The following TCERG1L variants were observed in gnomAD, a reference collection of about 807,000 sequenced individuals.
TCERG1L encodes the protein transcription elongation regulator 1-like protein.
In TCERG1L, 37 loss-of-function variants were observed where a neutral mutation model predicts 56.3. The ratio of observed to expected loss-of-function variants is 0.66; its 90% CI spans 0.51 to 0.87. The LOEUF (loss-of-function observed/expected upper bound fraction) is 0.87, where lower values mean the gene tolerates loss of function less well. TCERG1L is among the 40% of genes least tolerant of loss of function. The probability of loss-of-function intolerance (pLI) is 0.00; values close to 1 mark genes in which losing one functional copy is unlikely to be tolerated. For missense variants in TCERG1L, 799 were observed against 774.2 expected, an observed-to-expected ratio of 1.03 and a Z score of -0.38; for synonymous variants, 324 against 326.3, an observed-to-expected ratio of 0.99 and a Z score of 0.08.
chr10:131,177,913 G>A (rs1394200310), intron 4 of TCERG1L, among the ~76,000 whole-genome samples: 1 of 151,358 alleles, frequency 6.6e-6, no homozygotes, highest in African/African-American at 2.4e-5. Context: ...GGAGCCGTCA[G>A]CCTCTCGAGT....
At chr10:131,247,676 A>G (rs2944502) in intron 4 of TCERG1L, among the ~76,000 whole-genome samples, 119,167 of 152,128 alleles carry the variant, frequency 0.78, 47,359 homozygotes, top group East Asian at 0.97. Context: ...GAGGAGATGA[A>G]CTTTCCCTTC....
At chr10:131,160,480 C>T (rs1235688230) in intron 6 of TCERG1L, among the ~76,000 whole-genome samples, 4 of 152,336 alleles carry the variant, frequency 2.6e-5, no homozygotes, top group African/African-American at 7.2e-5. Context: ...CACAGCCACC[C>T]TTACCTCCCA....
chr10:131,123,239 A>G (rs1845530804), intron 8 of TCERG1L, among the ~76,000 whole-genome samples: 1 of 152,194 alleles, frequency 6.6e-6, no homozygotes, highest in Non-Finnish European at 1.5e-5. Flanking sequence ...ACAGAGAGTA[A>G]CAATAACCAA....
chr10:131,295,330 G>T (rs1243498635), intron 3 of TCERG1L, among the ~76,000 whole-genome samples: 1 of 152,168 alleles, frequency 6.6e-6, no homozygotes, highest in Admixed American at 6.5e-5. Context: ...GAGATTACTG[G>T]GAACTAGGAT....
At chr10:131,135,574 G>A (rs897357068) in intron 7 of TCERG1L, among the ~76,000 whole-genome samples, 1 of 152,130 alleles carries the variant, frequency 6.6e-6, no homozygotes, top group African/African-American at 2.4e-5. Context: ...TGCAGCGTGG[G>A]GCCCTTGGTA....
chr10:131,137,788 A>G (rs1266946478), intron 7 of TCERG1L, among the ~76,000 whole-genome samples: 1 of 152,240 alleles, frequency 6.6e-6, no homozygotes, highest in Non-Finnish European at 1.5e-5. Flanking sequence ...ATAAACAAAA[A>G]TATGTATAAA....
chr10:131,111,116 AG>A (rs1308283650), intron 9 of TCERG1L, among the ~76,000 whole-genome samples: 1 of 143,604 alleles, frequency 7.0e-6, no homozygotes, highest in African/African-American at 2.5e-5. Context: ...CAGCCTTGAG[AG>A]GGCCTCAGAT....
chr10:131,174,650 AATTT>A (rs753582984), intron 4 of TCERG1L, among the ~76,000 whole-genome samples: 6 of 152,148 alleles, frequency 3.9e-5, no homozygotes, highest in Non-Finnish European at 7.4e-5. Context: ...AGTCCTCCTA[AATTT>A]TTCATGGGTA....
chr10:131,163,091 C>T (rs1845994030), intron 6 of TCERG1L, 31 bp downstream of exon 6: 2 of 1,500,476 alleles, frequency 1.3e-6, no homozygotes, highest in African/African-American at 1.4e-5. Context: ...AACGCCATTG[C>T]TAGTGGCTCT....
At chr10:131,145,342 A>C (rs1450105888) in intron 7 of TCERG1L, among the ~76,000 whole-genome samples, 1 of 152,244 alleles carries the variant, frequency 6.6e-6, no homozygotes, top group Non-Finnish European at 1.5e-5. Flanking sequence ...TGACCTGATC[A>C]AAGGAGGAAA....
chr10:131,114,262 A>T (rs932133947), intron 9 of TCERG1L, among the ~76,000 whole-genome samples: 1 of 142,710 alleles, frequency 7.0e-6, no homozygotes, highest in African/African-American at 2.5e-5. Context: ...CCTCATTGTT[A>T]AGCAGCTAGA....
chr10:131,236,318 C>G (rs1021251468), intron 4 of TCERG1L, among the ~76,000 whole-genome samples: 1 of 151,972 alleles, frequency 6.6e-6, no homozygotes, highest in South Asian at 2.1e-4. Flanking sequence ...ACCTTTTTTT[C>G]CCCCAAACAA....
intron 6 of TCERG1L, 71 bp downstream of exon 6, chr10:131,163,051 G>C: frequency 8.3e-7 from 1 of 1,208,206 alleles, no homozygotes; most frequent in Non-Finnish European, 1.1e-6. Flanking sequence ...GTGTCTCTTT[G>C]GTGACATCAG....
intron 10 of TCERG1L, 34 bp from the exon 11 acceptor site, chr10:131,098,458 A>C: frequency 6.6e-7 from 1 of 1,523,954 alleles, no homozygotes; most frequent in East Asian, 2.5e-5. Context: ...AAACATCATG[A>C]AATTGCATAT....
Position 131,236,451 on chromosome 10 carries a change from T to C in TCERG1L, c.856+23808A>G, listed in dbSNP as rs114833948. Among the ~76,000 whole-genome samples, 900 of 152,350 alleles carry C rather than the reference T, an allele frequency of 5.9e-3. 6 individuals are homozygous for C. Among genetic ancestry groups the C allele is most frequent in the African/African-American group, 0.021 (855 of 41,592 alleles). On this transcript the variant is annotated intron_variant, in intron 4 of 11. Transcript: ENST00000368642. ...AAGCCTGGGGCCACAAACCGCATGA[T>C]GTGGCCACATCAGCATCCCAGGGTC...
intron 3 of TCERG1L, among the ~76,000 whole-genome samples, chr10:131,261,050 G>A (rs1201786307): frequency 1.3e-5 from 2 of 152,110 alleles, no homozygotes; most frequent in African/African-American, 4.8e-5. Context: ...TGCAGGGAGT[G>A]GCCGGTCACC....
chr10:131,194,130 C>T (rs569284450), intron 4 of TCERG1L, among the ~76,000 whole-genome samples: 161 of 152,378 alleles, frequency 1.1e-3, no homozygotes, highest in Middle Eastern at 3.4e-3. Context: ...TTGACCCGTG[C>T]CAAAGCAGTG....
intron 4 of TCERG1L, among the ~76,000 whole-genome samples, chr10:131,176,491 C>T (rs1397392884): frequency 1.3e-5 from 2 of 151,058 alleles, no homozygotes; most frequent in African/African-American, 4.9e-5. Flanking sequence ...TGTACACACA[C>T]CAAGAAACAT....
At chr10:131,224,112 TC>T (rs1019576191) in intron 4 of TCERG1L, among the ~76,000 whole-genome samples, 8 of 151,928 alleles carry the variant, frequency 5.3e-5, no homozygotes, top group African/African-American at 1.9e-4. Flanking sequence ...CTGTCTCCTT[TC>T]CCCCTGACCC....
Sources: allele counts gnomAD v4.1 joint callset (sites outside exome capture counted in the v4.1 genomes callset), GRCh38; gene constraint gnomAD v4.1.1; transcripts MANE v1.5; gene names NCBI Gene and HGNC (gene_info 2026-07-23, HGNC 2026-07-21).